Variants in RGS6 observed in about 807,000 individuals in gnomAD.
The protein encoded by RGS6 is regulator of G protein signaling 6, also known as regulator of G-protein signaling 6.
A neutral mutation model predicts 78.5 loss-of-function variants in RGS6; 30 were observed. That is an observed-to-expected ratio of 0.38 (90% CI 0.29 to 0.52). RGS6 has a LOEUF of 0.52. RGS6 is among the 20% of genes least tolerant of loss of function. RGS6 has a pLI of 0.85. For missense variants in RGS6, 495 were observed against 609.7 expected (o/e 0.81, Z 1.98); for synonymous variants, 206 against 206.0 (o/e 1.00, Z 0.00).
At chr14:72,363,915 T>G (rs556530469) in intron 3 of RGS6, among the ~76,000 whole-genome samples, 1 of 126,342 alleles carries the variant, frequency 7.9e-6, no homozygotes, top group South Asian at 2.6e-4. Context: ...GCCACAAAAC[T>G]CAAGAATCTG....
intron 1 of RGS6, among the ~76,000 whole-genome samples, chr14:71,935,778 A>G (rs555373967): frequency 7.9e-5 from 12 of 151,966 alleles, no homozygotes; most frequent in Non-Finnish European, 1.6e-4. Flanking sequence ...GATTTAACTA[A>G]TTAAGCTAAT....
chr14:72,484,206 T>G (rs2096443379), intron 12 of RGS6, among the ~76,000 whole-genome samples: 1 of 152,238 alleles, frequency 6.6e-6, no homozygotes, highest in Admixed American at 6.5e-5. Context: ...GGCTCTGATT[T>G]CATAATGAAT....
At chr14:72,102,059 G>T (rs892840246) in intron 2 of RGS6, among the ~76,000 whole-genome samples, 1 of 152,118 alleles carries the variant, frequency 6.6e-6, no homozygotes, top group Non-Finnish European at 1.5e-5. Flanking sequence ...ATTTCCTTCC[G>T]TTGGGATTTG....
At chr14:71,883,818 C>G in the RGS6 span, among the ~76,000 whole-genome samples, 1 of 152,162 alleles carries the variant, frequency 6.6e-6, no homozygotes, top group African/African-American at 2.4e-5. Flanking sequence ...TTTACAGATG[C>G]CTTGGCAATG....
chr14:72,130,695 C>T (rs1019219582), intron 2 of RGS6, among the ~76,000 whole-genome samples: 2 of 152,192 alleles, frequency 1.3e-5, no homozygotes, highest in African/African-American at 4.8e-5. Flanking sequence ...GACACTGGTC[C>T]TCTGCAGACT....
At chr14:71,885,071 C>T in the RGS6 span, among the ~76,000 whole-genome samples, 3 of 152,220 alleles carry the variant, frequency 2.0e-5, no homozygotes. Context: ...CATCCCTTAG[C>T]ATATCCCTCA....
intron 15 of RGS6, among the ~76,000 whole-genome samples, chr14:72,525,747 C>T (rs2097108867): frequency 6.6e-6 from 1 of 152,152 alleles, no homozygotes; most frequent in African/African-American, 2.4e-5. Flanking sequence ...CAAGACCACA[C>T]CAAGTTTCCT....
Position 72,477,044 on chromosome 14 carries a change from C to T in RGS6, c.792+204C>T, listed in dbSNP as rs12050430. On this transcript the variant is annotated intron_variant, in intron 11 of 17. Coordinates refer to ENST00000553525, the MANE Select transcript of RGS6 (RefSeq NM_001204424.2). ...GAAAGAATTCTCTACCCAGTTCCTC[C>T]AGCAGTTACTAGAAAAGGGCGTAAA... 0.14 allele frequency: 76,759 copies of T among 549,276 alleles called. 5,693 individuals carry two copies. Among genetic ancestry groups the T allele is most frequent in the Admixed American group, 0.19 (5,998 of 31,006 alleles). 34.0% of individuals were successfully genotyped at this position (549,276 alleles called of 1,614,324 possible). A position where few individuals can be genotyped will look rare whatever the true frequency, so the allele number is the denominator to read the frequency against.
chr14:72,304,445 C>T (rs2152425165), intron 2 of RGS6, among the ~76,000 whole-genome samples: 1 of 152,326 alleles, frequency 6.6e-6, no homozygotes. Flanking sequence ...TTGGTAGACA[C>T]TGGGTTTTTA....
At chr14:72,256,505 A>T (rs1203132533) in intron 2 of RGS6, among the ~76,000 whole-genome samples, 5 of 152,284 alleles carry the variant, frequency 3.3e-5, no homozygotes, top group Non-Finnish European at 5.9e-5. Flanking sequence ...AAGCTAGGGG[A>T]CAATGGTTGG....
At chr14:72,554,835 C>T (rs142332784) in intron 17 of RGS6, among the ~76,000 whole-genome samples, 263 of 152,340 alleles carry the variant, frequency 1.7e-3, no homozygotes, top group African/African-American at 5.7e-3. Flanking sequence ...AACTTGGACG[C>T]GAGACCGGGG....
chr14:72,238,727 T>C (rs1434342441), intron 2 of RGS6, among the ~76,000 whole-genome samples: 1 of 152,144 alleles, frequency 6.6e-6, no homozygotes, highest in Admixed American at 6.5e-5. Flanking sequence ...GCCATGAGGT[T>C]CCTGAGTCTC....
At chr14:72,361,504 G>T (rs541437750) in intron 3 of RGS6, among the ~76,000 whole-genome samples, 4 of 152,266 alleles carry the variant, frequency 2.6e-5, no homozygotes, top group African/African-American at 9.6e-5. Context: ...ATTAGATGGT[G>T]GCATGTTTGA....
intron 2 of RGS6, among the ~76,000 whole-genome samples, chr14:72,304,746 G>A (rs1003617501): frequency 3.9e-5 from 6 of 152,110 alleles, no homozygotes; most frequent in African/African-American, 1.2e-4. Context: ...GGGCGTGGTG[G>A]CATGTGTCTG....
At chr14:72,022,536 C>A (rs1205701393) in intron 2 of RGS6, 1 of 152,104 alleles carries the variant, frequency 6.6e-6, no homozygotes, top group Non-Finnish European at 1.5e-5. Flanking sequence ...ATTATGATTC[C>A]CATTTTGCAG....
chr14:72,132,949 C>A (rs939682058), intron 2 of RGS6, among the ~76,000 whole-genome samples: 1 of 151,968 alleles, frequency 6.6e-6, no homozygotes, highest in African/African-American at 2.4e-5. Flanking sequence ...AAATGTGTTC[C>A]ATTAGATGTT....
the RGS6 span, among the ~76,000 whole-genome samples, chr14:71,888,197 C>T: frequency 5.3e-4 from 80 of 152,104 alleles, no homozygotes; most frequent in Middle Eastern, 3.4e-3. Flanking sequence ...GAGCTGAGAT[C>T]GCGCCACTGC....
At chr14:72,010,083 CCTCTT>C (rs2085372726) in intron 2 of RGS6, among the ~76,000 whole-genome samples, 1 of 152,156 alleles carries the variant, frequency 6.6e-6, no homozygotes, top group Admixed American at 6.5e-5. Flanking sequence ...TATGACCATG[CCTCTT>C]CTCTTTTACT....
chr14:72,449,201 C>T (rs529150293), intron 3 of RGS6, among the ~76,000 whole-genome samples: 103 of 152,286 alleles, frequency 6.8e-4, no homozygotes, highest in African/African-American at 2.4e-3. Flanking sequence ...ATCATTCATA[C>T]GGCTCCAGAA....
Sources: allele counts gnomAD v4.1 joint callset (sites outside exome capture counted in the v4.1 genomes callset), GRCh38; gene constraint gnomAD v4.1.1; transcripts MANE v1.5; gene names NCBI Gene and HGNC (gene_info 2026-07-23, HGNC 2026-07-21).